FAT3: variants seen among roughly 807,000 people sequenced by gnomAD.
The protein encoded by FAT3 is protocadherin Fat 3.
FAT3 carries 95 observed loss-of-function variants against 310.2 expected under a neutral mutation model. The observed-to-expected ratio is 0.31, with a 90% CI of 0.26 to 0.36. The LOEUF (loss-of-function observed/expected upper bound fraction) is 0.36, where lower values mean the gene tolerates loss of function less well. FAT3 is among the 10% of genes least tolerant of loss of function. FAT3 has a pLI of 1.00. For synonymous variants in FAT3, 2,314 were observed against 2,192.9 expected, an observed-to-expected ratio of 1.06 and a Z score of -1.54; for missense variants, 5,408 against 5,715.6, an observed-to-expected ratio of 0.95 and a Z score of 1.74.
intron 2 of FAT3, among the ~76,000 whole-genome samples, chr11:92,380,596 T>C (rs1240069131): frequency 2.0e-5 from 3 of 152,178 alleles, no homozygotes; most frequent in African/African-American, 7.2e-5. Context: ...GCTTGCTTTA[T>C]AGAGCTGAGG....
At chr11:92,644,335 C>T (rs961417720) in intron 3 of FAT3, among the ~76,000 whole-genome samples, 2 of 152,192 alleles carry the variant, frequency 1.3e-5, no homozygotes, top group African/African-American at 4.8e-5. Flanking sequence ...ATTTTGACCC[C>T]TGGATCAGTA....
intron 3 of FAT3, among the ~76,000 whole-genome samples, chr11:92,570,273 G>A (rs1180648114): frequency 1.3e-5 from 2 of 152,282 alleles, no homozygotes; most frequent in African/African-American, 4.8e-5. Flanking sequence ...TCTAGACTGT[G>A]AGATTCTTGA....
At chr11:92,433,417 G>A (rs572214789) in intron 2 of FAT3, among the ~76,000 whole-genome samples, 6 of 152,304 alleles carry the variant, frequency 3.9e-5, no homozygotes, top group South Asian at 2.1e-4. Context: ...TGGGCAAAGC[G>A]TAGTATCTAG....
At chr11:92,473,217 G>A (rs1951955422) in intron 2 of FAT3, among the ~76,000 whole-genome samples, 1 of 152,124 alleles carries the variant, frequency 6.6e-6, no homozygotes, top group African/African-American at 2.4e-5. Flanking sequence ...TGTTCTTCAT[G>A]TTTGTATACT....
In FAT3 at chr11:92,535,948, T is replaced by G. The variant is rs187758690; in HGVS notation, c.3607+11000T>G. Among the ~76,000 whole-genome samples, 379 of 152,280 alleles carry G rather than the reference T, an allele frequency of 2.5e-3. 6 individuals are homozygous for G. Among genetic ancestry groups the G allele is most frequent in the Non-Finnish European group, 4.4e-3 (297 of 68,020 alleles). On this transcript the variant is annotated intron_variant, in intron 3 of 27. Coordinates refer to ENST00000525166, the MANE Select transcript of FAT3 (RefSeq NM_001367949.2). ...CATTTCTCAGTCTTTTAAAGCAATT[T>G]TCTGAAAGCACTTTTTTAAAAAAGC... is the stretch of plus-strand genomic sequence containing the variant.
chr11:92,249,219 C>T (rs1229167433), intron 1 of FAT3, among the ~76,000 whole-genome samples: 1 of 152,060 alleles, frequency 6.6e-6, no homozygotes, highest in Non-Finnish European at 1.5e-5. Flanking sequence ...GACGTCATTA[C>T]CTCAGATGAA....
chr11:92,699,648 T>A (rs142859051), intron 4 of FAT3, among the ~76,000 whole-genome samples: 1 of 152,328 alleles, frequency 6.6e-6, no homozygotes, highest in African/African-American at 2.4e-5. Context: ...TCAAGAAGTT[T>A]CAGATTTTTG....
At chr11:92,778,496 C>A (rs1170903652) in intron 7 of FAT3, among the ~76,000 whole-genome samples, 2 of 152,176 alleles carry the variant, frequency 1.3e-5, no homozygotes, top group African/African-American at 2.4e-5. Context: ...CTCTAACAAA[C>A]CCGTGCAAAT....
chr11:92,615,396 A>G (rs1423150597), intron 3 of FAT3, among the ~76,000 whole-genome samples: 1 of 151,864 alleles, frequency 6.6e-6, no homozygotes, highest in Non-Finnish European at 1.5e-5. Flanking sequence ...ACAGGCACCC[A>G]CCACCACGCC....
At chr11:92,820,774 T>G (rs1436249177) in intron 13 of FAT3, among the ~76,000 whole-genome samples, 1 of 152,158 alleles carries the variant, frequency 6.6e-6, no homozygotes, top group Non-Finnish European at 1.5e-5. Flanking sequence ...TAATAAATAT[T>G]TGTTTTGTTA....
chr11:92,396,426 A>C (rs1306612728), intron 2 of FAT3, among the ~76,000 whole-genome samples: 1 of 152,146 alleles, frequency 6.6e-6, no homozygotes, highest in African/African-American at 2.4e-5. Context: ...AAGTGCATAC[A>C]CTTACTCTCA....
intron 2 of FAT3, among the ~76,000 whole-genome samples, chr11:92,495,142 C>T (rs1205927189): frequency 6.6e-6 from 1 of 151,962 alleles, no homozygotes; most frequent in East Asian, 1.9e-4. Flanking sequence ...TTGTATTTGC[C>T]TAGCAAATTA....
chr11:92,607,537 T>G (rs931128916), intron 3 of FAT3, among the ~76,000 whole-genome samples: 3 of 152,210 alleles, frequency 2.0e-5, no homozygotes, highest in African/African-American at 4.8e-5. Context: ...AGCAAATGTT[T>G]GGCAGTTTCT....
At chr11:92,386,282 T>C (rs1454783570) in intron 2 of FAT3, among the ~76,000 whole-genome samples, 1 of 152,216 alleles carries the variant, frequency 6.6e-6, no homozygotes, top group Non-Finnish European at 1.5e-5. Flanking sequence ...GCTATGGGAT[T>C]TGGGCAAATT....
intron 17 of FAT3, 58 bp from the exon 18 acceptor site, chr11:92,840,504 G>C: frequency 7.1e-7 from 1 of 1,408,840 alleles, no homozygotes; most frequent in South Asian, 1.6e-5. Flanking sequence ...TTGTTTTAAT[G>C]AATGTGAAGA....
At chr11:92,532,074 C>T (rs1016912942) in intron 3 of FAT3, among the ~76,000 whole-genome samples, 1 of 151,956 alleles carries the variant, frequency 6.6e-6, no homozygotes, top group Non-Finnish European at 1.5e-5. Context: ...AGCAAAGCAC[C>T]CTGTGCAAAA....
intron 13 of FAT3, among the ~76,000 whole-genome samples, chr11:92,813,026 C>T (rs910411619): frequency 2.0e-5 from 3 of 152,136 alleles, no homozygotes; most frequent in Non-Finnish European, 4.4e-5. Flanking sequence ...TTTGGCACTT[C>T]CCCTTTCTGC....
At chr11:92,817,096 A>G (rs1947843366) in intron 13 of FAT3, among the ~76,000 whole-genome samples, 2 of 152,232 alleles carry the variant, frequency 1.3e-5, no homozygotes, top group African/African-American at 4.8e-5. Flanking sequence ...AGAGGCACAC[A>G]CATGCCCTCG....
intron 1 of FAT3, among the ~76,000 whole-genome samples, chr11:92,275,794 T>G (rs1356433240): frequency 6.6e-6 from 1 of 152,154 alleles, no homozygotes; most frequent in Non-Finnish European, 1.5e-5. Context: ...GCAAGACTTA[T>G]GTACATTTAT....
Sources: allele counts gnomAD v4.1 joint callset (sites outside exome capture counted in the v4.1 genomes callset), GRCh38; gene constraint gnomAD v4.1.1; transcripts MANE v1.5; gene names NCBI Gene and HGNC (gene_info 2026-07-23, HGNC 2026-07-21).